The following RAB37 variants were observed in gnomAD, a reference collection of about 807,000 sequenced individuals.
The protein encoded by RAB37 is ras-related protein Rab-37.
RAB37 carries 29 observed loss-of-function variants against 33.1 expected under a neutral mutation model. The observed-to-expected ratio is 0.88, with a 90% CI of 0.65 to 1.20. The LOEUF is 1.20. Ranked by LOEUF, RAB37 falls within the 50% of genes most tolerant of loss-of-function variation. The pLI is 0.00. For missense variants in RAB37, 299 were observed against 301.1 expected, an observed-to-expected ratio of 0.99 and a Z score of 0.05; for synonymous variants, 128 against 119.5, an observed-to-expected ratio of 1.07 and a Z score of -0.47.
At chr17:74,682,692 G>T (rs2031979023) in intron 1 of RAB37, among the ~76,000 whole-genome samples, 2 of 152,194 alleles carry the variant, frequency 1.3e-5, no homozygotes, top group Non-Finnish European at 2.9e-5. Context: ...ATCACCCGAG[G>T]TCGGGAGTTC....
chr17:74,713,122 T>A (rs986441954), intron 1 of RAB37: 1 of 466,604 alleles, frequency 2.1e-6, no homozygotes, highest in African/African-American at 2.0e-5. Context: ...CTGGCCAACA[T>A]AGTGAAACCC....
At chr17:74,703,671 G>A (rs951913211) in intron 1 of RAB37, among the ~76,000 whole-genome samples, 1 of 152,178 alleles carries the variant, frequency 6.6e-6, no homozygotes, top group Admixed American at 6.5e-5. Flanking sequence ...GACAATGCAC[G>A]TTCAGCACTT....
intron 1 of RAB37, among the ~76,000 whole-genome samples, chr17:74,708,550 A>T: frequency 6.6e-6 from 1 of 152,372 alleles, no homozygotes; most frequent in Non-Finnish European, 1.5e-5. Context: ...ATCTGGTGAT[A>T]CATAAACAGG....
intron 1 of RAB37, among the ~76,000 whole-genome samples, chr17:74,711,633 A>G (rs1046507353): frequency 2.6e-5 from 4 of 152,230 alleles, no homozygotes; most frequent in African/African-American, 9.6e-5. Context: ...GTCCAAGCTC[A>G]TTCCTACACA....
chr17:74,693,077 C>A (rs749465492), intron 1 of RAB37, among the ~76,000 whole-genome samples: 14 of 152,188 alleles, frequency 9.2e-5, no homozygotes, highest in Non-Finnish European at 1.9e-4. Flanking sequence ...AGCGGAGCAA[C>A]AAGACAGAGA....
chr17:74,726,849 A>G (rs1297167144), intron 1 of RAB37, among the ~76,000 whole-genome samples: 2 of 152,210 alleles, frequency 1.3e-5, no homozygotes, highest in African/African-American at 4.8e-5. Flanking sequence ...AAGTCCAGCT[A>G]AAGTTTGCAC....
intron 1 of RAB37, chr17:74,694,519 C>T (rs2032251297): frequency 6.6e-6 from 1 of 152,226 alleles, no homozygotes; most frequent in African/African-American, 2.4e-5. Flanking sequence ...ACGTCCACTT[C>T]CATCATCACT....
intron 1 of RAB37, among the ~76,000 whole-genome samples, chr17:74,713,899 CAAAAAAAAAAAAAAAAAA>C (rs55993385): frequency 2.0e-5 from 1 of 51,160 alleles, no homozygotes; most frequent in African/African-American, 8.7e-5. Flanking sequence ...TTCATCTCCA[CAAAAAAAAAAAAAAAAAA>C]AAAAAAAAAA....
At chr17:74,736,947 G>T, upstream of RAB37, 1 of 1,521,258 alleles carries the variant, frequency 6.6e-7, no homozygotes, top group South Asian at 1.2e-5. Flanking sequence ...AGCAGACGGG[G>T]TCCCCGCGGC....
chr17:74,698,769 CT>C (rs2032762684), intron 1 of RAB37: 2 of 538,012 alleles, frequency 3.7e-6, no homozygotes, highest in Admixed American at 7.3e-5. Context: ...GGTACTATAC[CT>C]ATTACCTGGG....
In RAB37 at chr17:74,744,604, T is replaced by G; in HGVS notation, c.432+231T>G. The stretch of plus-strand genomic sequence containing the variant: ...GGGGTGCCCAGTTCTCAGCCCCCAT[T>G]AGAGCAGAGTGAACAGGGTCCCAGG... On this transcript the variant is annotated intron_variant, in intron 6 of 8. Coordinates refer to ENST00000392613, the MANE Select transcript of RAB37 (RefSeq NM_001006638.3). The surrounding 1 kb of genome is among the most constrained non-coding windows in gnomAD (Gnocchi z 4.2). The G allele has an allele frequency of 1.6e-6, 1 of 623,834 alleles. No homozygotes were observed. The highest frequency in any genetic ancestry group is 2.8e-6 in the Non-Finnish European group (1 of 353,242). The allele number at this position is 623,834 out of a possible 1,614,324, so 38.6% of individuals were successfully genotyped here. A position where few individuals can be genotyped will look rare whatever the true frequency, so the allele number is the denominator to read the frequency against.
At chr17:74,743,955 T>G (rs923817004) in intron 5 of RAB37, among the ~76,000 whole-genome samples, 1 of 152,154 alleles carries the variant, frequency 6.6e-6, no homozygotes, top group Non-Finnish European at 1.5e-5. Flanking sequence ...CACTAATCAA[T>G]CACAGTACTT....
At position 74,745,121 on chromosome 17, in the gene RAB37, G is replaced by A; in HGVS notation, c.566+37G>A. On this transcript the variant is annotated intron_variant, in intron 8 of 8. Transcript: ENST00000392613. This position sits in a 1 kb window ranked among gnomAD's most constrained non-coding sequence, Gnocchi z 4.5. ...GCAGGGAAGGGAAGTGTGCGGGGCA[G>A]GGCGGCACACTCCAGGAATCCAGTA... The A allele has an allele frequency of 1.2e-6, 2 of 1,609,694 alleles. No individual in the cohort carries two copies. Among genetic ancestry groups the A allele is most frequent in the South Asian group, 2.2e-5 (2 of 90,952 alleles).
chr17:74,744,524 GC>G lies in RAB37; in HGVS notation c.432+154del. 1.3e-6 allele frequency: 1 copy of G among 741,162 alleles called. No individual in the cohort carries two copies. The highest frequency in any genetic ancestry group is 2.3e-6 in the Non-Finnish European group (1 of 437,588). The allele number at this position is 741,162 out of a possible 1,614,324, so 45.9% of individuals were successfully genotyped here. On this transcript the variant is annotated intron_variant, in intron 6 of 8. Coordinates refer to ENST00000392613, the MANE Select transcript of RAB37 (RefSeq NM_001006638.3). This position sits in a 1 kb window ranked among gnomAD's most constrained non-coding sequence, Gnocchi z 4.2. The stretch of plus-strand genomic sequence containing the variant: ...GGGTCAGACATATCTGGAGGCTTCT[GC>G]CCATCCCATCTGCCCCTTCCAGGGA...
chr17:74,705,449 T>G (rs1202615571), intron 1 of RAB37: 1 of 508,976 alleles, frequency 2.0e-6, no homozygotes, highest in Non-Finnish European at 3.6e-6. Flanking sequence ...AAATTGCAAA[T>G]TTGTGGATTT....
chr17:74,745,034 C>A lies in RAB37; in HGVS notation c.516C>A (p.Thr172=). The A allele has an allele frequency of 6.2e-7, 1 of 1,614,242 alleles. No homozygotes were observed. Among genetic ancestry groups the A allele is most frequent in the Non-Finnish European group, 8.5e-7 (1 of 1,180,044 alleles). The part of the protein sequence containing the change: ...AREYGVPFLE[T]SAKTGMNVEL... ...AGTACGGTGTTCCCTTCCTGGAGAC[C>A]AGCGCCAAGACTGGCATGAATGTGG... The change falls in exon 8 of 9, where the codon ACC becomes ACA. Residue 172 remains threonine, a synonymous_variant. Coordinates refer to ENST00000392613, the MANE Select transcript of RAB37 (RefSeq NM_001006638.3). This position sits in a 1 kb window ranked among gnomAD's most constrained non-coding sequence, Gnocchi z 4.5.
At position 74,729,796 on chromosome 17, in the gene RAB37, A is replaced by T. The variant is rs773446903; in HGVS notation, c.183+430A>T. The stretch of plus-strand genomic sequence containing the variant: ...TGGGGCTCCACATTGGATGAACGCA[A>T]GTGGAAGCCAGAAAGCAAAAAATAT... On this transcript the variant is annotated intron_variant, in intron 2 of 7. Transcript: ENST00000340415. This position sits in a 1 kb window ranked among gnomAD's most constrained non-coding sequence, Gnocchi z 4.2. Among the ~76,000 whole-genome samples, 1 of 152,052 alleles carries T rather than the reference A, an allele frequency of 6.6e-6. No homozygotes were observed. The highest frequency in any genetic ancestry group is 1.5e-5 in the Non-Finnish European group (1 of 68,026).
chr17:74,699,236 A>G (rs1187545416), intron 1 of RAB37, among the ~76,000 whole-genome samples: 2 of 152,168 alleles, frequency 1.3e-5, no homozygotes, highest in East Asian at 1.9e-4. Context: ...GATAGTTTTT[A>G]AAAGGAGAAA....
intron 1 of RAB37, among the ~76,000 whole-genome samples, chr17:74,675,900 C>T (rs965744306): frequency 6.6e-6 from 1 of 152,176 alleles, no homozygotes; most frequent in Non-Finnish European, 1.5e-5. Flanking sequence ...TGAGCTCATC[C>T]ATCATGTGCC....
Sources: allele counts gnomAD v4.1 joint callset (sites outside exome capture counted in the v4.1 genomes callset), GRCh38; gene constraint gnomAD v4.1.1; non-coding constraint Gnocchi (gnomAD v3.1); transcripts MANE v1.5; gene names NCBI Gene and HGNC (gene_info 2026-07-23, HGNC 2026-07-21).